The following COL5A2 variants were observed in gnomAD, a reference collection of about 807,000 sequenced individuals.
The protein encoded by COL5A2 is collagen type V alpha 2 chain.
COL5A2 carries 23 observed loss-of-function variants against 208.2 expected under a neutral mutation model. That is an observed-to-expected ratio of 0.11 (90% CI 0.08 to 0.16). COL5A2 has a LOEUF of 0.16. COL5A2 is among the 10% of genes least tolerant of loss of function. The probability of loss-of-function intolerance (pLI) is 1.00; values close to 1 mark genes in which losing one functional copy is unlikely to be tolerated. For missense variants in COL5A2, 1,590 were observed against 1,956.4 expected (o/e 0.81, Z 3.53); for synonymous variants, 625 against 628.5 (o/e 0.99, Z 0.08).
intron 1 of COL5A2, among the ~76,000 whole-genome samples, chr2:189,159,741 C>G (rs946696380): frequency 6.6e-6 from 1 of 151,952 alleles, no homozygotes; most frequent in Non-Finnish European, 1.5e-5. Flanking sequence ...ATTGGCCAGG[C>G]ACGGTGGCTC....
At chr2:189,317,565 A>G in the COL5A2 span, among the ~76,000 whole-genome samples, 1 of 152,210 alleles carries the variant, frequency 6.6e-6, no homozygotes, top group African/African-American at 2.4e-5. Context: ...ATTTAAAAGA[A>G]TATATGAGAT....
chr2:189,256,135 G>A, the COL5A2 span, among the ~76,000 whole-genome samples: 1 of 152,152 alleles, frequency 6.6e-6, no homozygotes, highest in Admixed American at 6.5e-5. Flanking sequence ...ATTTAGTCTT[G>A]CCTTCCTATA....
chr2:189,079,928 CA>C, intron 14 of COL5A2, 49 bp downstream of exon 14: 12 of 1,501,306 alleles, frequency 8.0e-6, no homozygotes, highest in Non-Finnish European at 1.1e-5. Flanking sequence ...ACATTTGAAG[CA>C]AAACTAAGAT....
At chr2:189,273,565 T>C in the COL5A2 span, among the ~76,000 whole-genome samples, 2 of 152,074 alleles carry the variant, frequency 1.3e-5, no homozygotes, top group African/African-American at 4.8e-5. Context: ...CATTCCAGGA[T>C]TATTCACAAT....
chr2:189,151,167 C>G (rs955907032), intron 1 of COL5A2, among the ~76,000 whole-genome samples: 3 of 152,114 alleles, frequency 2.0e-5, no homozygotes, highest in Non-Finnish European at 4.4e-5. Context: ...TTAAGACACA[C>G]TAACCCCCAG....
chr2:189,341,037 G>A, the COL5A2 span, among the ~76,000 whole-genome samples: 1 of 152,054 alleles, frequency 6.6e-6, no homozygotes, highest in Non-Finnish European at 1.5e-5. Flanking sequence ...AGACTACTTT[G>A]GTGTAAAATA....
the COL5A2 span, among the ~76,000 whole-genome samples, chr2:189,254,787 C>T: frequency 6.6e-6 from 1 of 152,226 alleles, no homozygotes; most frequent in Non-Finnish European, 1.5e-5. Flanking sequence ...GCCAGGAAAA[C>T]TGTGAATCAG....
In COL5A2 at chr2:189,050,616, G is replaced by A. The variant is rs778366357; in HGVS notation, c.2992C>T (p.Pro998Ser). Residue 998 changes from proline (P) to serine (S), a missense_variant, in exon 43 of 54, where the codon CCT (proline) becomes TCT (serine). Physicochemically the swap from Pro to Ser is moderately conservative, Grantham distance 74. Transcript: ENST00000374866. ...ATGCCTCTCTCTCCACGTTGCCCAG[G>A]CATGCCAACAATTCCTCTCTGCCCG... ...TTGQRGIVGM[P>S]GQRGERGMPG... 1 of 1,552,524 alleles carries A rather than the reference G, an allele frequency of 6.4e-7. No individual in the cohort carries two copies. Among genetic ancestry groups the A allele is most frequent in the Non-Finnish European group, 8.7e-7 (1 of 1,147,414 alleles).
chr2:189,123,030 T>A (rs2105739075), intron 1 of COL5A2, among the ~76,000 whole-genome samples: 1 of 152,258 alleles, frequency 6.6e-6, no homozygotes, highest in South Asian at 2.1e-4. Flanking sequence ...AATGGCACAA[T>A]CTTGGCTCAC....
chr2:189,215,328 A>G (rs887503816), intron 1 of COL5A2, among the ~76,000 whole-genome samples: 9 of 152,204 alleles, frequency 5.9e-5, no homozygotes, highest in African/African-American at 2.2e-4. Context: ...AACAGTAGCC[A>G]CTAAGCAGAA....
At chr2:189,167,855 TA>T (rs1191878992) in intron 1 of COL5A2, among the ~76,000 whole-genome samples, 1 of 151,984 alleles carries the variant, frequency 6.6e-6, no homozygotes, top group Non-Finnish European at 1.5e-5. Flanking sequence ...TGTAGCACCT[TA>T]AAGGCTTGAA....
At chr2:189,110,171 A>G in intron 2 of COL5A2, 54 bp downstream of exon 2, 1 of 1,272,200 alleles carries the variant, frequency 7.9e-7, no homozygotes, top group Non-Finnish European at 1.2e-6. Context: ...AAAACACTGC[A>G]ACTATAAAGG....
chr2:189,245,736 A>C, the COL5A2 span, among the ~76,000 whole-genome samples: 1 of 152,124 alleles, frequency 6.6e-6, no homozygotes, highest in Non-Finnish European at 1.5e-5. Flanking sequence ...GGCCTCCCAA[A>C]GTGCTGGGGA....
At chr2:189,386,230 G>T in the COL5A2 span, among the ~76,000 whole-genome samples, 2 of 152,168 alleles carry the variant, frequency 1.3e-5, no homozygotes, top group East Asian at 3.9e-4. Context: ...ATAAGAAAAA[G>T]ACCCCCTAAT....
the COL5A2 span, among the ~76,000 whole-genome samples, chr2:189,312,446 A>G: frequency 1.3e-5 from 2 of 152,100 alleles, no homozygotes; most frequent in African/African-American, 2.4e-5. Flanking sequence ...CACTGGCTGC[A>G]CTGCTGACCG....
chr2:189,101,470 TTTTAAG>T (rs1328437675), intron 3 of COL5A2, among the ~76,000 whole-genome samples: 1 of 152,102 alleles, frequency 6.6e-6, no homozygotes, highest in Admixed American at 6.6e-5. Flanking sequence ...TTGTTTTCAT[TTTTAAG>T]TTTAAGAATG....
In COL5A2 at chr2:189,103,289, C is replaced by G. The variant is rs1174441470; in HGVS notation, c.336+975G>C. Among the ~76,000 whole-genome samples the G allele has an allele frequency of 2.0e-5, 3 of 151,996 alleles. No individual in the cohort carries two copies. The East Asian group carries it at 5.8e-4, about 29-fold the overall frequency. ...GACATATATTCATATCTAATTTATT[C>G]CAAATGAGACAAATTTATGATATTG... On this transcript the variant is annotated intron_variant, in intron 3 of 53. Coordinates refer to ENST00000374866, the MANE Select transcript of COL5A2 (RefSeq NM_000393.5).
chr2:189,339,467 T>A, the COL5A2 span, among the ~76,000 whole-genome samples: 1 of 152,188 alleles, frequency 6.6e-6, no homozygotes, highest in Admixed American at 6.5e-5. Context: ...CAACTCTGGA[T>A]TTACATTTGT....
the COL5A2 span, among the ~76,000 whole-genome samples, chr2:189,263,794 G>A: frequency 6.6e-6 from 1 of 152,096 alleles, no homozygotes; most frequent in South Asian, 2.1e-4. Context: ...CATGCTGTAA[G>A]GTTTGTATCC....
Sources: allele counts gnomAD v4.1 joint callset (sites outside exome capture counted in the v4.1 genomes callset), GRCh38; gene constraint gnomAD v4.1.1; transcripts MANE v1.5; gene names NCBI Gene and HGNC (gene_info 2026-07-23, HGNC 2026-07-21).